SLX4IP: variants seen among roughly 807,000 people sequenced by gnomAD.
The protein encoded by SLX4IP is SLX4 interacting protein.
Under a neutral mutation model 32.9 loss-of-function variants are expected in SLX4IP, and 34 were observed. The observed-to-expected ratio is 1.03, with a 90% confidence interval of 0.79 to 1.38. The LOEUF is 1.38. Ranked by LOEUF, SLX4IP falls within the 40% of genes most tolerant of loss-of-function variation. SLX4IP has a pLI of 0.00. For synonymous variants in SLX4IP, 172 were observed against 171.7 expected (o/e 1.00, Z -0.01); for missense variants, 444 against 479.0 (o/e 0.93, Z 0.68).
At chr20:10,604,626 G>A (rs2066884122) in intron 6 of SLX4IP, among the ~76,000 whole-genome samples, 1 of 152,228 alleles carries the variant, frequency 6.6e-6, no homozygotes, top group Admixed American at 6.5e-5. Flanking sequence ...ATGCAGCCAC[G>A]CTGCCCCTAA....
At chr20:10,469,473 G>A (rs1051248558) in intron 2 of SLX4IP, among the ~76,000 whole-genome samples, 2 of 151,946 alleles carry the variant, frequency 1.3e-5, no homozygotes, top group Non-Finnish European at 1.5e-5. Context: ...AAAGTAAAAT[G>A]TTTCAGTATA....
intron 2 of SLX4IP, among the ~76,000 whole-genome samples, chr20:10,486,185 T>TA (rs2065572071): frequency 3.4e-3 from 1 of 298 alleles, no homozygotes; most frequent in African/African-American, 0.014. Flanking sequence ...CTTGCTTAAA[T>TA]TTTTTTTTTT....
intron 5 of SLX4IP, among the ~76,000 whole-genome samples, chr20:10,599,226 T>A (rs1446609738): frequency 1.3e-5 from 2 of 152,100 alleles, no homozygotes; most frequent in East Asian, 3.9e-4. Context: ...AACAGTAAAG[T>A]CAGAAGCTAA....
At chr20:10,528,488 A>G (rs1441816871) in intron 2 of SLX4IP, among the ~76,000 whole-genome samples, 1 of 152,164 alleles carries the variant, frequency 6.6e-6, no homozygotes, top group Non-Finnish European at 1.5e-5. Context: ...AACACTTATG[A>G]AGAAGAAAAT....
chr20:10,620,423 A>G (rs1393927775), intron 6 of SLX4IP, among the ~76,000 whole-genome samples: 1 of 152,254 alleles, frequency 6.6e-6, no homozygotes, highest in Non-Finnish European at 1.5e-5. Flanking sequence ...TATGAATTAT[A>G]TAAAACCAGA....
chr20:10,580,950 G>A (rs2066579265), intron 4 of SLX4IP, among the ~76,000 whole-genome samples: 1 of 152,066 alleles, frequency 6.6e-6, no homozygotes, highest in African/African-American at 2.4e-5. Flanking sequence ...AGAAATGATT[G>A]ACAATAATTC....
chr20:10,510,609 A>AT (rs33995753), intron 2 of SLX4IP, among the ~76,000 whole-genome samples: 59 of 142,102 alleles, frequency 4.2e-4, no homozygotes, highest in East Asian at 1.6e-3. Flanking sequence ...TATTTTTATT[A>AT]TTTTTTTTTT....
chr20:10,599,576 T>A (rs1421967665), intron 5 of SLX4IP, among the ~76,000 whole-genome samples: 4 of 151,760 alleles, frequency 2.6e-5, no homozygotes, highest in African/African-American at 9.7e-5. Context: ...TTTTTGTAAT[T>A]TTTGGTAGAG....
At chr20:10,617,926 C>CCA (rs1465349410) in intron 6 of SLX4IP, among the ~76,000 whole-genome samples, 2 of 152,154 alleles carry the variant, frequency 1.3e-5, no homozygotes, top group South Asian at 2.1e-4. Context: ...CAAGCATGAA[C>CCA]CACTGCGCCT....
At chr20:10,581,192 G>A (rs1379867207) in intron 4 of SLX4IP, among the ~76,000 whole-genome samples, 1 of 152,104 alleles carries the variant, frequency 6.6e-6, no homozygotes, top group African/African-American at 2.4e-5. Context: ...GTAGAGAGCA[G>A]CAGCAGCCTG....
chr20:10,574,162 G>A (rs2066496745), intron 4 of SLX4IP, among the ~76,000 whole-genome samples: 1 of 152,270 alleles, frequency 6.6e-6, no homozygotes, highest in Middle Eastern at 3.4e-3. Flanking sequence ...ATCATCACCT[G>A]TTATGGACAT....
At chr20:10,481,523 G>C (rs2065520873) in intron 2 of SLX4IP, among the ~76,000 whole-genome samples, 1 of 152,086 alleles carries the variant, frequency 6.6e-6, no homozygotes, top group African/African-American at 2.4e-5. Flanking sequence ...AATTTGCCAT[G>C]ATTATGCAAA....
At chr20:10,505,708 C>G (rs886120909) in intron 2 of SLX4IP, among the ~76,000 whole-genome samples, 5 of 152,114 alleles carry the variant, frequency 3.3e-5, no homozygotes, top group Non-Finnish European at 5.9e-5. Flanking sequence ...TGGCCAAAGA[C>G]CTTGTGAGCT....
chr20:10,525,768 C>A (rs962473593), intron 2 of SLX4IP, among the ~76,000 whole-genome samples: 1 of 152,190 alleles, frequency 6.6e-6, no homozygotes, highest in Non-Finnish European at 1.5e-5. Context: ...CTTTCTGGAC[C>A]AACTGCATTC....
chr20:10,458,158 CTT>C lies in SLX4IP; in HGVS notation c.-29-9_-29-8del. ...GAAATTTTAATATACCTAATTGTAA[CTT>C]TTTTTTTTCTTAAAGGTCTGTAGTT... is the stretch of plus-strand genomic sequence containing the variant. On this transcript the variant is annotated splice_polypyrimidine_tract_variant and intron_variant, in intron 1 of 7. Coordinates refer to ENST00000334534, the MANE Select transcript of SLX4IP (RefSeq NM_001009608.3). The C allele has an allele frequency of 3.1e-6, 4 of 1,297,392 alleles. No homozygotes were observed. The highest frequency in any genetic ancestry group is 2.6e-5 in the East Asian group (1 of 38,266). The allele number at this position is 1,297,392 out of a possible 1,614,324, so 80.4% of individuals were successfully genotyped here.
chr20:10,518,934 A>G (rs1442996701), intron 2 of SLX4IP, among the ~76,000 whole-genome samples: 1 of 152,178 alleles, frequency 6.6e-6, no homozygotes, highest in Non-Finnish European at 1.5e-5. Flanking sequence ...CTGGCCACAG[A>G]AAGGTAGTCA....
At chr20:10,585,989 A>G (rs2066641512) in intron 4 of SLX4IP, among the ~76,000 whole-genome samples, 1 of 151,888 alleles carries the variant, frequency 6.6e-6, no homozygotes, top group Non-Finnish European at 1.5e-5. Context: ...AAGCCTACCT[A>G]CCCTCTCTAT....
At chr20:10,444,541 C>T (rs1318539786) in intron 1 of SLX4IP, among the ~76,000 whole-genome samples, 4 of 152,088 alleles carry the variant, frequency 2.6e-5, no homozygotes, top group African/African-American at 7.2e-5. Flanking sequence ...CCATGCTCAG[C>T]TAATTTTTGT....
At chr20:10,564,168 C>A (rs1255498330) in intron 4 of SLX4IP, among the ~76,000 whole-genome samples, 1 of 152,108 alleles carries the variant, frequency 6.6e-6, no homozygotes, top group Non-Finnish European at 1.5e-5. Context: ...TTAACAGCAT[C>A]ACTAAAAACA....
Sources: allele counts gnomAD v4.1 joint callset (sites outside exome capture counted in the v4.1 genomes callset), GRCh38; gene constraint gnomAD v4.1.1; transcripts MANE v1.5; gene names NCBI Gene and HGNC (gene_info 2026-07-23, HGNC 2026-07-21).